INTS9: variants seen among roughly 807,000 people sequenced by gnomAD.
INTS9 encodes protein related to CPSF subunits of 74 kDa.
INTS9 carries 55 observed loss-of-function variants against 79.7 expected under a neutral mutation model. That is an observed-to-expected ratio of 0.69 (90% confidence interval 0.56 to 0.86). The LOEUF (loss-of-function observed/expected upper bound fraction) is 0.86, where lower values mean the gene tolerates loss of function less well. Ranked by LOEUF, INTS9 falls within the 40% of genes least tolerant of loss-of-function variation. The probability of loss-of-function intolerance (pLI) is 0.00; values close to 1 mark genes in which losing one functional copy is unlikely to be tolerated. For synonymous variants in INTS9, 319 were observed against 325.2 expected (o/e 0.98, Z 0.20); for missense variants, 721 against 831.5 (o/e 0.87, Z 1.64).
chr8:28,825,149 C>A (rs1253535461), intron 6 of INTS9, among the ~76,000 whole-genome samples: 3 of 152,190 alleles, frequency 2.0e-5, no homozygotes, highest in Non-Finnish European at 2.9e-5. Flanking sequence ...GATCAGGCAG[C>A]CCTGGGGCTT....
At position 28,770,982 on chromosome 8, in the gene INTS9, C is replaced by A. The variant is rs868076475; in HGVS notation, c.1662G>T (p.Gln554His). 2 of 1,612,526 alleles carry A rather than the reference C, an allele frequency of 1.2e-6. No homozygotes were observed. The highest frequency in any genetic ancestry group is 8.5e-7 in the Non-Finnish European group (1 of 1,179,588). The change falls in exon 15 of 17, where the codon CAG (glutamine) becomes CAT (histidine). Residue 554 changes from glutamine to histidine, a missense_variant and splice_region_variant. Around this residue, in one of 3 missense-constraint regions of INTS9, gnomAD observed 281 missense variants for 300.8 expected, o/e 0.93. Coordinates refer to ENST00000521022, the MANE Select transcript of INTS9 (RefSeq NM_018250.4). ...TGCACTCCCACCCAGCACCCCCTAC[C>A]TGAAGCAAGTGCTTGTTATCTTTGG... Reference protein sequence around the residue: ...LHTKDNKHLLQPPPRPAQPTS... With the variant: ...LHTKDNKHLLHPPPRPAQPTS...
At chr8:28,807,661 G>A (rs1423018123) in intron 8 of INTS9, among the ~76,000 whole-genome samples, 1 of 152,206 alleles carries the variant, frequency 6.6e-6, no homozygotes, top group Non-Finnish European at 1.5e-5. Context: ...AAAAGCATTT[G>A]ATAAGGTATA....
At chr8:28,777,794 G>A (rs1245527148) in intron 13 of INTS9, 35 bp downstream of exon 13, 2 of 1,568,074 alleles carry the variant, frequency 1.3e-6, no homozygotes, top group African/African-American at 2.7e-5. Context: ...AAGGTGACAT[G>A]ACTACGTGAA....
chr8:28,840,709 G>A (rs1244099600), intron 4 of INTS9, among the ~76,000 whole-genome samples: 34 of 145,376 alleles, frequency 2.3e-4, no homozygotes, highest in Admixed American at 2.2e-3. Context: ...ACCAAACACC[G>A]CATATTCTCA....
intron 13 of INTS9, among the ~76,000 whole-genome samples, chr8:28,776,583 T>C (rs1020338383): frequency 6.6e-6 from 1 of 152,170 alleles, no homozygotes; most frequent in Non-Finnish European, 1.5e-5. Context: ...CTGCTTCTAC[T>C]TAAGAGCTTG....
chr8:28,780,666 T>C, intron 12 of INTS9, 157 bp downstream of exon 12: 1 of 985,466 alleles, frequency 1.0e-6, no homozygotes, highest in Non-Finnish European at 1.2e-6. Context: ...GCTTCACTCT[T>C]TCTCTGCGGT....
At chr8:28,846,380 C>G (rs1807516443) in intron 4 of INTS9, among the ~76,000 whole-genome samples, 1 of 35,880 alleles carries the variant, frequency 2.8e-5, no homozygotes, top group Non-Finnish European at 6.5e-5. Flanking sequence ...TAGCAATTGT[C>G]AATTACCCAC....
intron 6 of INTS9, among the ~76,000 whole-genome samples, chr8:28,819,126 G>C (rs992194847): frequency 6.6e-6 from 1 of 152,042 alleles, no homozygotes. Context: ...CTAATTTTTG[G>C]AAGGGTTTTT....
At chr8:28,797,464 C>T (rs1199851521) in intron 8 of INTS9, among the ~76,000 whole-genome samples, 3 of 152,170 alleles carry the variant, frequency 2.0e-5, no homozygotes, top group African/African-American at 2.4e-5. Flanking sequence ...TGACCCATCT[C>T]CCCTAGATGA....
chr8:28,863,836 G>A (rs1283155661), intron 1 of INTS9, among the ~76,000 whole-genome samples: 4 of 152,140 alleles, frequency 2.6e-5, no homozygotes, highest in Non-Finnish European at 5.9e-5. Context: ...TACTTGCACA[G>A]CAATTATATT....
At chr8:28,823,691 A>C (rs1377059403) in intron 6 of INTS9, among the ~76,000 whole-genome samples, 1 of 151,746 alleles carries the variant, frequency 6.6e-6, no homozygotes, top group Non-Finnish European at 1.5e-5. Flanking sequence ...AGGAGAGACA[A>C]GTAGGGAAAG....
intron 6 of INTS9, among the ~76,000 whole-genome samples, chr8:28,814,069 T>TA (rs1805320373): frequency 1.1e-4 from 16 of 149,198 alleles, no homozygotes; most frequent in African/African-American, 2.8e-4. Flanking sequence ...ATTTCTTTTT[T>TA]TAAAAAAAAA....
At chr8:28,864,999 A>C (rs1057183554) in intron 1 of INTS9, among the ~76,000 whole-genome samples, 11 of 152,168 alleles carry the variant, frequency 7.2e-5, no homozygotes, top group East Asian at 3.9e-4. Context: ...AAAAAAAAAA[A>C]AACAAAGTTT....
chr8:28,803,125 AAAGT>A (rs1804617548), intron 8 of INTS9, among the ~76,000 whole-genome samples: 1 of 152,208 alleles, frequency 6.6e-6, no homozygotes, highest in South Asian at 2.1e-4. Context: ...ATAAATAAAT[AAAGT>A]AAGTAAATAA....
At chr8:28,845,349 C>T (rs1422300843) in intron 4 of INTS9, among the ~76,000 whole-genome samples, 1 of 152,098 alleles carries the variant, frequency 6.6e-6, no homozygotes, top group African/African-American at 2.4e-5. Context: ...CATTTTTTTC[C>T]AATCATACAA....
chr8:28,850,244 G>A lies in INTS9; in HGVS notation c.167C>T (p.Ser56Phe). The change falls in exon 3 of 17, where the codon TCC becomes TTC. Residue 56 changes from serine to phenylalanine, a missense_variant. Physicochemically the swap from Ser to Phe is radical, Grantham distance 155 (BLOSUM62 -2). Coordinates refer to ENST00000521022, the MANE Select transcript of INTS9 (RefSeq NM_018250.4). ...CAAGAAAGCATTTCCATCCTTCAGG[G>A]ACCAGCCAGGAAGATTGGACAGCCT... ...SPRLSNLPGW[S>F]LKDGNAFLDK... The A allele has an allele frequency of 6.2e-7, 1 of 1,613,662 alleles. No individual in the cohort carries two copies. Among genetic ancestry groups the A allele is most frequent in the Non-Finnish European group, 8.5e-7 (1 of 1,179,676 alleles).
At chr8:28,768,359 A>G (rs373244765) in intron 16 of INTS9, 37 bp from the exon 17 acceptor site, 281 of 1,591,458 alleles carry the variant, frequency 1.8e-4, no homozygotes, top group Non-Finnish European at 2.2e-4. Context: ...GGCTGGGCAG[A>G]CTGCACATCT....
At chr8:28,851,831 T>C (rs1807854268) in intron 2 of INTS9, among the ~76,000 whole-genome samples, 1 of 152,202 alleles carries the variant, frequency 6.6e-6, no homozygotes, top group African/African-American at 2.4e-5. Flanking sequence ...GTGAATACAA[T>C]GGACTCCCAC....
chr8:28,789,809 T>G (rs565317692), intron 10 of INTS9, among the ~76,000 whole-genome samples: 1 of 152,034 alleles, frequency 6.6e-6, no homozygotes, highest in Non-Finnish European at 1.5e-5. Flanking sequence ...GACCAGGAGG[T>G]TGAGGCTGCA....
Sources: allele counts gnomAD v4.1 joint callset (sites outside exome capture counted in the v4.1 genomes callset), GRCh38; gene constraint gnomAD v4.1.1; regional missense constraint gnomAD v4.1.1; transcripts MANE v1.5; gene names NCBI Gene and HGNC (gene_info 2026-07-23, HGNC 2026-07-21).